The following UGT1A9 variants were observed in gnomAD, a reference collection of about 807,000 sequenced individuals.
UGT1A9 encodes UDP-glucuronosyltransferase 1A9.
UGT1A9 carries 35 observed loss-of-function variants against 45.0 expected under a neutral mutation model. That is an observed-to-expected ratio of 0.78 (90% CI 0.59 to 1.03). UGT1A9 has a LOEUF of 1.03. Among genes scored for constraint, UGT1A9 ranks in the 50% least tolerant of loss-of-function variants. The pLI, the probability that UGT1A9 is intolerant of heterozygous loss-of-function variation, is 0.00. For missense variants in UGT1A9, 687 were observed against 666.6 expected, an observed-to-expected ratio of 1.03 and a Z score of -0.34; for synonymous variants, 278 against 250.6, an observed-to-expected ratio of 1.11 and a Z score of -1.03.
chr2:233,705,449 A>G (rs879424157), intron 1 of UGT1A9, among the ~76,000 whole-genome samples: 1 of 152,242 alleles, frequency 6.6e-6, no homozygotes, highest in Non-Finnish European at 1.5e-5. Flanking sequence ...AGAATTGCAC[A>G]TATTTTTTAG....
intron 3 of UGT1A9, 61 bp from the exon 4 acceptor site, chr2:233,768,159 T>A (rs1021483824): frequency 8.1e-6 from 13 of 1,613,176 alleles, no homozygotes; most frequent in African/African-American, 1.3e-5. Context: ...AGAACCTAGA[T>A]GTGTCCAGCT....
intron 1 of UGT1A9, chr2:233,760,636 A>G (rs1559407230): frequency 6.2e-7 from 1 of 1,614,144 alleles, no homozygotes; most frequent in South Asian, 1.1e-5. Context: ...CAAGAAAATA[A>G]AAAAGGACTC....
chr2:233,698,871 A>C (rs2075466762), intron 1 of UGT1A9, among the ~76,000 whole-genome samples: 1 of 152,220 alleles, frequency 6.6e-6, no homozygotes, highest in African/African-American at 2.4e-5. Flanking sequence ...TGACTTTGCG[A>C]CTTTGACCAA....
At chr2:233,741,895 C>T (rs1371352009) in intron 1 of UGT1A9, 1 of 151,808 alleles carries the variant, frequency 6.6e-6, no homozygotes, top group African/African-American at 2.4e-5. Flanking sequence ...GAAGAAGGGA[C>T]CCTTTGTGAT....
intron 1 of UGT1A9, among the ~76,000 whole-genome samples, chr2:233,717,003 A>G (rs932364808): frequency 5.3e-5 from 8 of 152,104 alleles, no homozygotes; most frequent in African/African-American, 1.4e-4. Flanking sequence ...CAGGGCCCCT[A>G]TGTCTCTGAA....
At chr2:233,677,807 C>T (rs1006257763) in intron 1 of UGT1A9, among the ~76,000 whole-genome samples, 1 of 151,832 alleles carries the variant, frequency 6.6e-6, no homozygotes. Flanking sequence ...TGTCATTCGA[C>T]CCAGCAATCC....
At chr2:233,718,693 G>A in intron 1 of UGT1A9, 3 of 1,590,692 alleles carry the variant, frequency 1.9e-6, no homozygotes. Context: ...ACTGGAGGAG[G>A]GCACTTTGTC....
At chr2:233,708,090 C>T (rs192949963) in intron 1 of UGT1A9, among the ~76,000 whole-genome samples, 95 of 152,258 alleles carry the variant, frequency 6.2e-4, no homozygotes, top group Middle Eastern at 3.4e-3. Flanking sequence ...TTTATTCAAA[C>T]GAATTAGAAT....
chr2:233,707,392 C>G (rs985802582), intron 1 of UGT1A9, among the ~76,000 whole-genome samples: 5 of 152,036 alleles, frequency 3.3e-5, no homozygotes, highest in Non-Finnish European at 7.4e-5. Context: ...ATGAGCTATT[C>G]TTTTTGATGT....
chr2:233,722,507 T>C lies in UGT1A9; in HGVS notation c.856-44527T>C, dbSNP rs188387982. 9.8e-5 allele frequency among the ~76,000 whole-genome samples: 15 copies of C among 152,358 alleles called. No individual in the cohort carries two copies. The East Asian group carries it at 1.5e-3, about 16-fold the overall frequency. On this transcript the variant is annotated intron_variant, in intron 1 of 4. Transcript: ENST00000354728. The stretch of plus-strand genomic sequence containing the variant: ...ACTGTTTCATTTTCCGTTTCGTTAA[T>C]TGCAGCTTATTTTTGCCTTAATGAT...
intron 1 of UGT1A9, chr2:233,691,414 C>A (rs1302692454): frequency 2.0e-6 from 2 of 985,422 alleles, no homozygotes; most frequent in African/African-American, 1.7e-5. Context: ...TTGGAGTGGC[C>A]CCTCTAATCA....
rs1278152448 is a variant in UGT1A9 at position 233,683,881 on chromosome 2, G to T, written c.855+11092G>T. 5.3e-5 allele frequency among the ~76,000 whole-genome samples: 8 copies of T among 151,824 alleles called. No individual in the cohort carries two copies. In the East Asian group the frequency reaches 1.5e-3, roughly 29 times the overall value. On this transcript the variant is annotated intron_variant, in intron 1 of 4. Coordinates refer to ENST00000354728, the MANE Select transcript of UGT1A9 (RefSeq NM_021027.3). ...TCATCTGCAAATTATTCCCTCCCCTGGTATTTATACCTCTTATTTTGGCGG... is the reference window on the plus strand; with the variant it reads ...TCATCTGCAAATTATTCCCTCCCCTTGTATTTATACCTCTTATTTTGGCGG...
intron 1 of UGT1A9, among the ~76,000 whole-genome samples, chr2:233,714,428 C>T (rs2076386615): frequency 6.6e-6 from 1 of 152,106 alleles, no homozygotes; most frequent in African/African-American, 2.4e-5. Context: ...GAGAATGAAA[C>T]ACAGAGTTCA....
In UGT1A9 at chr2:233,755,313, G is replaced by A. The variant is rs565914238; in HGVS notation, c.856-11721G>A. 9.1e-5 allele frequency: 50 copies of A among 549,068 alleles called. 1 individual carries two copies. The highest frequency in any genetic ancestry group is 7.5e-4 in the South Asian group (41 of 54,588). The allele number at this position is 549,068 out of a possible 1,614,324, so 34.0% of individuals were successfully genotyped here. On this transcript the variant is annotated intron_variant, in intron 1 of 4. Transcript: ENST00000354728. Reference sequence around the variant, plus strand: ...CTGCGGGGCACTGGCACAGCGAGCGGCAAGGCTGCCAGCACCCGCGCACAG... The same window carrying A: ...CTGCGGGGCACTGGCACAGCGAGCGACAAGGCTGCCAGCACCCGCGCACAG...
intron 1 of UGT1A9, 117 bp downstream of exon 1, chr2:233,672,906 G>C: frequency 6.6e-7 from 1 of 1,506,398 alleles, no homozygotes; most frequent in Non-Finnish European, 8.8e-7. Flanking sequence ...TTTCTTTCCA[G>C]TTTAACAAAT....
rs761460157 is a variant in UGT1A9 at position 233,672,039 on chromosome 2, G to T, written c.105G>T (p.Gly35=). 4 of 1,614,152 alleles carry T rather than the reference G, an allele frequency of 2.5e-6. No homozygotes were observed. The highest frequency in any genetic ancestry group is 2.5e-6 in the Non-Finnish European group (3 of 1,180,000). ...AGCTACTGGTAGTGCCCATGGATGGGAGCCACTGGTTCACCATGAGGTCGG... is the reference window on the plus strand; with the variant it reads ...AGCTACTGGTAGTGCCCATGGATGGTAGCCACTGGTTCACCATGAGGTCGG... ...AGKLLVVPMD[G]SHWFTMRSVV... is the part of the protein sequence containing the mutation. Residue 35 remains glycine, a synonymous_variant, in exon 1 of 5, where the codon GGG becomes GGT. Transcript: ENST00000354728.
chr2:233,760,356 G>A (rs1414123680), intron 1 of UGT1A9: 1 of 1,613,940 alleles, frequency 6.2e-7, no homozygotes, highest in Non-Finnish European at 8.5e-7. Context: ...TGGGCCCAGT[G>A]GTGTCCCATG....
At chr2:233,689,514 G>T (rs2074948140) in intron 1 of UGT1A9, among the ~76,000 whole-genome samples, 1 of 152,216 alleles carries the variant, frequency 6.6e-6, no homozygotes, top group South Asian at 2.1e-4. Flanking sequence ...GTTACACATT[G>T]GTTTGGTCAT....
chr2:233,697,564 T>C (rs2075398532), intron 1 of UGT1A9, among the ~76,000 whole-genome samples: 1 of 151,906 alleles, frequency 6.6e-6, no homozygotes, highest in Non-Finnish European at 1.5e-5. Flanking sequence ...TTAGCCTCAA[T>C]TTAATTTATT....
Sources: allele counts gnomAD v4.1 joint callset (sites outside exome capture counted in the v4.1 genomes callset), GRCh38; gene constraint gnomAD v4.1.1; transcripts MANE v1.5; gene names NCBI Gene and HGNC (gene_info 2026-07-23, HGNC 2026-07-21).